The following SOX9 variants were observed in gnomAD, a reference collection of about 807,000 sequenced individuals.
SOX9 encodes the protein SRY-box transcription factor 9, also known as transcription factor SOX-9.
SOX9 carries 2 observed loss-of-function variants against 44.8 expected under a neutral mutation model. That is an observed-to-expected ratio of 0.04 (90% CI 0.02 to 0.14). SOX9 has a LOEUF of 0.14. SOX9 is among the 10% of genes least tolerant of loss of function. The probability of loss-of-function intolerance (pLI) is 1.00; values close to 1 mark genes in which losing one functional copy is unlikely to be tolerated. For synonymous variants in SOX9, 381 were observed against 331.8 expected (o/e 1.15, Z -1.61); for missense variants, 583 against 728.6 (o/e 0.80, Z 2.30).
chr17:72,121,297 G>A lies in SOX9; in HGVS notation c.-95G>A, dbSNP rs952839941. 9 of 1,169,990 alleles carry A rather than the reference G, an allele frequency of 7.7e-6. No individual in the cohort carries two copies. In the African/African-American group the frequency reaches 9.1e-5, roughly 12 times the overall value. The allele number at this position is 1,169,990 out of a possible 1,614,324, so 72.5% of individuals were successfully genotyped here. On this transcript the variant is annotated 5_prime_UTR_variant, in exon 1 of 3. Coordinates refer to ENST00000245479, the MANE Select transcript of SOX9 (RefSeq NM_000346.4). This position sits in a 1 kb window ranked among gnomAD's most constrained non-coding sequence, Gnocchi z 8.3. The stretch of plus-strand genomic sequence containing the variant: ...CCGGGAGCCGCTTGCTCCGCATCCG[G>A]GCAGCCGAGGGGAGAGGAGCCCGCG...
Position 72,123,054 on chromosome 17 carries a change from C to A in SOX9, c.685+82C>A, listed in dbSNP as rs1309741012. The A allele has an allele frequency of 3.2e-6, 5 of 1,552,830 alleles. No individual in the cohort carries two copies. Among genetic ancestry groups the A allele is most frequent in the Non-Finnish European group, 4.4e-6 (5 of 1,139,678 alleles). ...CCTGCCCTCCGCCTGGGAGATTCTT[C>A]GTGGGGACTTTATGCTTCCCGGGAG... On this transcript the variant is annotated intron_variant, in intron 2 of 2. Transcript: ENST00000245479. This position sits in a 1 kb window ranked among gnomAD's most constrained non-coding sequence, Gnocchi z 6.5.
Position 72,124,419 on chromosome 17 carries a change from A to C in SOX9, c.*32A>C, listed in dbSNP as rs1258924370. On this transcript the variant is annotated 3_prime_UTR_variant, in exon 3 of 3. Coordinates refer to ENST00000245479, the MANE Select transcript of SOX9 (RefSeq NM_000346.4). The surrounding 1 kb of genome is among the most constrained non-coding windows in gnomAD (Gnocchi z 4.6). ...CTCCCACGAAGGGCGAAGATGGCCGAGATGATCCTAAAAATAACCGAAGAA... is the reference window on the plus strand; with the variant it reads ...CTCCCACGAAGGGCGAAGATGGCCGCGATGATCCTAAAAATAACCGAAGAA... 1 of 1,598,632 alleles carries C rather than the reference A, an allele frequency of 6.3e-7. No homozygotes were observed. Among genetic ancestry groups the C allele is most frequent in the Non-Finnish European group, 8.5e-7 (1 of 1,179,054 alleles).
rs1427826552 is a variant in SOX9, at chr17:72,123,436, C to G, written c.686-107C>G. ...CGCGCCTCTTGCGCGGGTGCGGGCC[C>G]TTATTACACTTTAGCAGCGAGGGAG... On this transcript the variant is annotated intron_variant, in intron 2 of 2. Coordinates refer to ENST00000245479, the MANE Select transcript of SOX9 (RefSeq NM_000346.4). The surrounding 1 kb of genome is among the most constrained non-coding windows in gnomAD (Gnocchi z 6.5). 2.3e-5 allele frequency: 34 copies of G among 1,506,806 alleles called. No homozygotes were observed. In the Admixed American group the frequency reaches 5.7e-4, roughly 25 times the overall value. The allele number at this position is 1,506,806 out of a possible 1,614,324, so 93.3% of individuals were successfully genotyped here. A position where few individuals can be genotyped will look rare whatever the true frequency, so the allele number is the denominator to read the frequency against.
rs1908274440 is a variant in SOX9 at position 72,126,023 on chromosome 17, C to T, written c.*1636C>T. 4 of 232,134 alleles carry T rather than the reference C, an allele frequency of 1.7e-5. No homozygotes were observed. The highest frequency in any genetic ancestry group is 2.6e-5 in the Non-Finnish European group (3 of 117,438). 14.4% of individuals were successfully genotyped at this position (232,134 alleles called of 1,614,324 possible). ...GGAGGGGATCAGCCCACTGACAGACCTTAATCTTAATTACTGCTGTGGCTA... is the reference window on the plus strand; with the variant it reads ...GGAGGGGATCAGCCCACTGACAGACTTTAATCTTAATTACTGCTGTGGCTA... On this transcript the variant is annotated 3_prime_UTR_variant, in exon 3 of 3. Transcript: ENST00000245479.
chr17:72,124,409 A>T lies in SOX9; in HGVS notation c.*22A>T, dbSNP rs770676594. The T allele has an allele frequency of 2.9e-5, 47 of 1,599,346 alleles. No homozygotes were observed. Among genetic ancestry groups the T allele is most frequent in the Non-Finnish European group, 3.8e-5 (45 of 1,179,596 alleles). ...TTGAGGAGGCCTCCCACGAAGGGCG[A>T]AGATGGCCGAGATGATCCTAAAAAT... On this transcript the variant is annotated 3_prime_UTR_variant, in exon 3 of 3. Coordinates refer to ENST00000245479, the MANE Select transcript of SOX9 (RefSeq NM_000346.4). The surrounding 1 kb of genome is among the most constrained non-coding windows in gnomAD (Gnocchi z 4.6).
At position 72,124,679 on chromosome 17, in the gene SOX9, T is replaced by C. The variant is rs1908229985; in HGVS notation, c.*292T>C. The C allele has an allele frequency of 1.9e-6, 1 of 532,340 alleles. No individual in the cohort carries two copies. Among genetic ancestry groups the C allele is most frequent in the Non-Finnish European group, 3.4e-6 (1 of 294,336 alleles). 33.0% of individuals were successfully genotyped at this position (532,340 alleles called of 1,614,324 possible). A position where few individuals can be genotyped will look rare whatever the true frequency, so the allele number is the denominator to read the frequency against. ...GCGAAATCAACGAGAAACTGGACTT[T>C]TTAAACCCTCTTCAGAGCAAGCGTG... On this transcript the variant is annotated 3_prime_UTR_variant, in exon 3 of 3. Transcript: ENST00000245479. The surrounding 1 kb of genome is among the most constrained non-coding windows in gnomAD (Gnocchi z 4.6).
chr17:72,122,861 G>T lies in SOX9; in HGVS notation c.574G>T (p.Ala192Ser), dbSNP rs775956539. 6.2e-7 allele frequency: 1 copy of T among 1,614,134 alleles called. No homozygotes were observed. Among genetic ancestry groups the T allele is most frequent in the South Asian group, 1.1e-5 (1 of 91,072 alleles). Residue 192 changes from alanine (A) to serine (S), a missense_variant, in exon 2 of 3, where the codon GCC (alanine) becomes TCC (serine). By Grantham distance (99) the Ala-to-Ser change is moderately conservative. Around this residue, in one of 7 missense-constraint regions of SOX9, gnomAD observed 88 missense variants for 65.5 expected, o/e 1.34. Transcript: ENST00000245479. ...VKNGQAEAEEATEQTHISPNA... is the reference protein window; with the variant it reads ...VKNGQAEAEESTEQTHISPNA... ...GAACGGGCAGGCGGAGGCAGAGGAG[G>T]CCACGGAGCAGACGCACATCTCCCC...
In SOX9 at chr17:72,121,587, G is replaced by A. The variant is rs759597531; in HGVS notation, c.196G>A (p.Glu66Lys). The change falls in exon 1 of 3, where the codon GAG becomes AAG. Residue 66 changes from glutamate (E) to lysine (K), a missense_variant. Coordinates refer to ENST00000245479, the MANE Select transcript of SOX9 (RefSeq NM_000346.4). The surrounding 1 kb of genome is among the most constrained non-coding windows in gnomAD (Gnocchi z 8.3). Reference sequence around the variant, plus strand: ...GCCCGATCTGAAGAAGGAGAGCGAGGAGGACAAGTTCCCCGTGTGCATCCG... The same window carrying A: ...GCCCGATCTGAAGAAGGAGAGCGAGAAGGACAAGTTCCCCGTGTGCATCCG... ...GEPDLKKESE[E>K]DKFPVCIREA... 1 of 1,607,224 alleles carries A rather than the reference G, an allele frequency of 6.2e-7. No individual in the cohort carries two copies. Among genetic ancestry groups the A allele is most frequent in the Non-Finnish European group, 8.5e-7 (1 of 1,177,168 alleles).
In SOX9 at chr17:72,122,703, G is replaced by A; in HGVS notation, c.432-16G>A. ...CTCCCTCTTTTTCTCTGTGCCCCCC[G>A]CCCCGCCCCGAGCAGACTTCTGAAC... On this transcript the variant is annotated splice_polypyrimidine_tract_variant and intron_variant, in intron 1 of 2. Transcript: ENST00000245479. 6.2e-7 allele frequency: 1 copy of A among 1,612,476 alleles called. No homozygotes were observed. Among genetic ancestry groups the A allele is most frequent in the Non-Finnish European group, 8.5e-7 (1 of 1,179,202 alleles).
chr17:72,124,174 G>T lies in SOX9; in HGVS notation c.1317G>T (p.Gln439His). The stretch of plus-strand genomic sequence containing the variant: ...CCTACCCGCCCATCACCCGCTCACA[G>T]TACGACTACACCGACCACCAGAACT... ...SPSYPPITRS[Q>H]YDYTDHQNSS... Residue 439 changes from glutamine to histidine, a missense_variant, in exon 3 of 3, where the codon CAG becomes CAT. Coordinates refer to ENST00000245479, the MANE Select transcript of SOX9 (RefSeq NM_000346.4). This position sits in a 1 kb window ranked among gnomAD's most constrained non-coding sequence, Gnocchi z 4.6. The T allele has an allele frequency of 6.2e-7, 1 of 1,613,770 alleles. No homozygotes were observed. Among genetic ancestry groups the T allele is most frequent in the South Asian group, 1.1e-5 (1 of 91,050 alleles).
Position 72,123,892 on chromosome 17 carries a change from C to A in SOX9, c.1035C>A (p.Pro345=), listed in dbSNP as rs2143253407. 6.8e-7 allele frequency: 1 copy of A among 1,464,782 alleles called. No individual in the cohort carries two copies. The highest frequency in any genetic ancestry group is 9.0e-7 in the Non-Finnish European group (1 of 1,110,514). The allele number at this position is 1,464,782 out of a possible 1,614,324, so 90.7% of individuals were successfully genotyped here. A position where few individuals can be genotyped will look rare whatever the true frequency, so the allele number is the denominator to read the frequency against. ...WMSKQQAPPP[P]PQQPPQAPPA... is the part of the protein sequence containing the mutation. ...CCAAGCAGCAGGCGCCGCCGCCACC[C>A]CCGCAGCAGCCCCCACAGGCCCCGC... is the stretch of plus-strand genomic sequence containing the variant. Residue 345 remains proline (P), a synonymous_variant, in exon 3 of 3, where the codon CCC becomes CCA. Transcript: ENST00000245479. The surrounding 1 kb of genome is among the most constrained non-coding windows in gnomAD (Gnocchi z 6.5).
chr17:72,122,658 G>A, intron 1 of SOX9, 61 bp from the exon 2 acceptor site: 1 of 1,560,566 alleles, frequency 6.4e-7, no homozygotes, highest in Non-Finnish European at 8.7e-7. Context: ...CTGACAGTTT[G>A]GCGGATTTCA....
In SOX9 at chr17:72,124,669, A is replaced by G; in HGVS notation, c.*282A>G. 1 of 545,278 alleles carries G rather than the reference A, an allele frequency of 1.8e-6. No homozygotes were observed. Among genetic ancestry groups the G allele is most frequent in the Non-Finnish European group, 3.3e-6 (1 of 302,502 alleles). The allele number at this position is 545,278 out of a possible 1,614,324, so 33.8% of individuals were successfully genotyped here. A position where few individuals can be genotyped will look rare whatever the true frequency, so the allele number is the denominator to read the frequency against. On this transcript the variant is annotated 3_prime_UTR_variant, in exon 3 of 3. Transcript: ENST00000245479. This position sits in a 1 kb window ranked among gnomAD's most constrained non-coding sequence, Gnocchi z 4.6. ...AAATGGAGCAGCGAAATCAACGAGA[A>G]ACTGGACTTTTTAAACCCTCTTCAG...
In SOX9 at chr17:72,123,429, G is replaced by T; in HGVS notation, c.686-114G>T. 6.9e-7 allele frequency: 1 copy of T among 1,439,572 alleles called. No individual in the cohort carries two copies. The highest frequency in any genetic ancestry group is 9.7e-7 in the Non-Finnish European group (1 of 1,028,648). The allele number at this position is 1,439,572 out of a possible 1,614,324, so 89.2% of individuals were successfully genotyped here. A position where few individuals can be genotyped will look rare whatever the true frequency, so the allele number is the denominator to read the frequency against. On this transcript the variant is annotated intron_variant, in intron 2 of 2. Transcript: ENST00000245479. This position sits in a 1 kb window ranked among gnomAD's most constrained non-coding sequence, Gnocchi z 6.5. ...GGTGCAGCGCGCCTCTTGCGCGGGTGCGGGCCCTTATTACACTTTAGCAGC... is the reference window on the plus strand; with the variant it reads ...GGTGCAGCGCGCCTCTTGCGCGGGTTCGGGCCCTTATTACACTTTAGCAGC...
intron 1 of SOX9, 32 bp from the exon 2 acceptor site, chr17:72,122,687 T>C (rs1908137319): frequency 6.2e-7 from 1 of 1,608,818 alleles, no homozygotes; most frequent in South Asian, 1.1e-5. Flanking sequence ...TCTCCCTCTT[T>C]TTCTCTGTGC....
Position 72,124,591 on chromosome 17 carries a change from A to G in SOX9, c.*204A>G. The G allele has an allele frequency of 4.5e-6, 3 of 673,138 alleles. No individual in the cohort carries two copies. The highest frequency in any genetic ancestry group is 5.2e-6 in the Non-Finnish European group (2 of 388,158). The allele number at this position is 673,138 out of a possible 1,614,324, so 41.7% of individuals were successfully genotyped here. ...AATTTCCAAGACACAAACATGACCT[A>G]TCCAAGCGCATTACCCACTTGTGGC... On this transcript the variant is annotated 3_prime_UTR_variant, in exon 3 of 3. Transcript: ENST00000245479. This position sits in a 1 kb window ranked among gnomAD's most constrained non-coding sequence, Gnocchi z 4.6.
chr17:72,122,301 T>C (rs1041187493), intron 1 of SOX9, among the ~76,000 whole-genome samples: 1 of 137,886 alleles, frequency 7.3e-6, no homozygotes, highest in Non-Finnish European at 1.5e-5. Context: ...CTACTGGAAA[T>C]AGGTGGGAGT....
Position 72,123,943 on chromosome 17 carries a change from G to T in SOX9, c.1086G>T (p.Pro362=), listed in dbSNP as rs1356761828. ...CGGCCCCGCAGGCGCCCCCGCAGCCGCAGGCGGCGCCCCCACAGCAGCCGG... is the reference window on the plus strand; with the variant it reads ...CGGCCCCGCAGGCGCCCCCGCAGCCTCAGGCGGCGCCCCCACAGCAGCCGG... The part of the protein sequence containing the change: ...APPAPQAPPQ[P]QAAPPQQPAA... Residue 362 remains proline, a synonymous_variant, in exon 3 of 3, where the codon CCG becomes CCT. Coordinates refer to ENST00000245479, the MANE Select transcript of SOX9 (RefSeq NM_000346.4). The surrounding 1 kb of genome is among the most constrained non-coding windows in gnomAD (Gnocchi z 6.5). 5 of 1,340,224 alleles carry T rather than the reference G, an allele frequency of 3.7e-6. No individual in the cohort carries two copies. Among genetic ancestry groups the T allele is most frequent in the Non-Finnish European group, 4.8e-6 (5 of 1,051,918 alleles). The allele number at this position is 1,340,224 out of a possible 1,614,324, so 83.0% of individuals were successfully genotyped here.
Position 72,122,721 on chromosome 17 carries a change from T to G in SOX9, c.434T>G (p.Leu145Arg). 1.2e-6 allele frequency: 2 copies of G among 1,613,718 alleles called. No individual in the cohort carries two copies. The highest frequency in any genetic ancestry group is 1.7e-6 in the Non-Finnish European group (2 of 1,179,878). ...LSKTLGKLWR[L>R]LNESEKRPFV... ...GCCCCCCGCCCCGCCCCGAGCAGAC[T>G]TCTGAACGAGAGCGAGAAGCGGCCC... The change falls in exon 2 of 3, where the codon CTT (leucine) becomes CGT (arginine). Residue 145 changes from leucine (L) to arginine (R), a missense_variant and splice_region_variant. By Grantham distance (102) the Leu-to-Arg change is moderately radical. Around this residue, in one of 7 missense-constraint regions of SOX9, gnomAD observed 21 missense variants for 73.6 expected, o/e 0.29. Coordinates refer to ENST00000245479, the MANE Select transcript of SOX9 (RefSeq NM_000346.4).
Sources: gnomAD v4.1 joint callset for allele counts (sites outside exome capture counted in the v4.1 genomes callset) on GRCh38, gnomAD v4.1.1 for gene constraint, gnomAD v4.1.1 regional missense constraint, Gnocchi (gnomAD v3.1) non-coding constraint, MANE v1.5 for transcripts, NCBI Gene and HGNC (gene_info 2026-07-23, HGNC 2026-07-21) for gene names.